The following KDELR1 variants were observed in gnomAD, a reference collection of about 807,000 sequenced individuals.
The protein encoded by KDELR1 is KDEL endoplasmic reticulum protein retention receptor 1, also known as ER lumen protein-retaining receptor 1.
A neutral mutation model predicts 25.5 loss-of-function variants in KDELR1; 16 were observed. That is an observed-to-expected ratio of 0.63 (90% CI 0.43 to 0.95). The LOEUF (loss-of-function observed/expected upper bound fraction) is 0.95. KDELR1 is among the 40% of genes least tolerant of loss of function. KDELR1 has a pLI of 0.00. For synonymous variants in KDELR1, 121 were observed against 115.0 expected (o/e 1.05, Z -0.33); for missense variants, 159 against 265.2 (o/e 0.60, Z 2.78).
chr19:48,396,517 G>A (rs531010522), upstream of KDELR1, among the ~76,000 whole-genome samples: 5 of 151,984 alleles, frequency 3.3e-5, no homozygotes, highest in African/African-American at 4.8e-5. Context: ...TTAACCCCGC[G>A]GGGGCCAGGC....
chr19:48,387,543 G>A (rs570719885), intron 3 of KDELR1, among the ~76,000 whole-genome samples: 4 of 152,118 alleles, frequency 2.6e-5, no homozygotes, highest in South Asian at 2.1e-4. Flanking sequence ...TTAGCCAGGC[G>A]TGGTGGCAAG....
chr19:48,385,726 G>A (rs1970490421), intron 3 of KDELR1, among the ~76,000 whole-genome samples: 1 of 152,196 alleles, frequency 6.6e-6, no homozygotes, highest in Admixed American at 6.5e-5. Context: ...CTTGGTTTGT[G>A]GAAGGAAGGT....
intron 3 of KDELR1, among the ~76,000 whole-genome samples, chr19:48,387,447 C>T (rs1970505614): frequency 6.6e-6 from 1 of 152,074 alleles, no homozygotes. Context: ...CTTTGGGAAG[C>T]TGAGATGGGA....
chr19:48,391,518 G>C lies in KDELR1; in HGVS notation c.-160C>G. On this transcript the variant is annotated 5_prime_UTR_variant, in exon 1 of 5. Transcript: ENST00000330720. Reference sequence around the variant, plus strand: ...AGGGGACTTTGGGAGGGGGAGCAAAGGCTGGAGCTGGCGGCGGAGCTGGAG... The same window carrying C: ...AGGGGACTTTGGGAGGGGGAGCAAACGCTGGAGCTGGCGGCGGAGCTGGAG... 1 of 609,510 alleles carries C rather than the reference G, an allele frequency of 1.6e-6. No homozygotes were observed. Among genetic ancestry groups the C allele is most frequent in the Non-Finnish European group, 2.9e-6 (1 of 343,134 alleles). 37.8% of individuals were successfully genotyped at this position (609,510 alleles called of 1,614,324 possible). A position where few individuals can be genotyped will look rare whatever the true frequency, so the allele number is the denominator to read the frequency against.
intron 1 of KDELR1, 153 bp from the exon 2 acceptor site, chr19:48,390,677 C>G: frequency 1.6e-6 from 1 of 610,046 alleles, no homozygotes; most frequent in Non-Finnish European, 2.9e-6. Flanking sequence ...AGCCTGGAGG[C>G]AGCTCTGGAG....
chr19:48,393,914 G>T (rs528036869), upstream of KDELR1, among the ~76,000 whole-genome samples: 1 of 152,060 alleles, frequency 6.6e-6, no homozygotes, highest in Admixed American at 6.5e-5. This position sits in a 1 kb window ranked among gnomAD's most constrained non-coding sequence, Gnocchi z 5.6. Flanking sequence ...TGGTGGAGGG[G>T]GGGTGTGTCT....
Position 48,389,678 on chromosome 19 carries a change from A to G in KDELR1, c.226T>C (p.Trp76Arg), listed in dbSNP as rs759398671. 7.4e-6 allele frequency: 12 copies of G among 1,614,136 alleles called. No individual in the cohort carries two copies. The South Asian group carries it at 1.3e-4, about 18-fold the overall frequency. Residue 76 changes from tryptophan to arginine, a missense_variant, in exon 3 of 5, where the codon TGG becomes CGG. Physicochemically the swap from Trp to Arg is moderately radical, Grantham distance 101. Transcript: ENST00000330720. ...GCTTTGAACTTGCTATAAATCAACC[A>G]GACCGTGGTGAAGGAGCAGGCTATG... is the stretch of plus-strand genomic sequence containing the variant. ...VYIACSFTTV[W>R]LIYSKFKATY...
Position 48,391,299 on chromosome 19 carries a change from C to T in KDELR1, c.60G>A (p.Leu20=). 1 of 1,559,018 alleles carries T rather than the reference C, an allele frequency of 6.4e-7. No individual in the cohort carries two copies. The highest frequency in any genetic ancestry group is 8.7e-7 in the Non-Finnish European group (1 of 1,151,146). ...ACGAGCGGGACTTCCAGATTTTGAG[C>T]AGTAGCAAGATGATGGCGAGGAGGT... ...LSHLLAIILL[L]LKIWKSRSCA... The change falls in exon 1 of 5, where the codon CTG becomes CTA. Residue 20 remains leucine (L), a synonymous_variant. Transcript: ENST00000330720.
At chr19:48,383,546 T>TACAC (rs1970472812) in intron 4 of KDELR1, among the ~76,000 whole-genome samples, 1 of 152,210 alleles carries the variant, frequency 6.6e-6, no homozygotes, top group Admixed American at 6.5e-5. Context: ...GGTCCCACTC[T>TACAC]GTAGCCCAGG....
chr19:48,390,953 C>T, intron 1 of KDELR1: 1 of 487,420 alleles, frequency 2.1e-6, no homozygotes, highest in Non-Finnish European at 3.7e-6. Flanking sequence ...CGGTCCACGT[C>T]ACCAACTCAC....
chr19:48,396,694 C>T, the KDELR1 span, among the ~76,000 whole-genome samples: 5 of 151,862 alleles, frequency 3.3e-5, no homozygotes, highest in African/African-American at 4.8e-5. Flanking sequence ...GACAGGGGCC[C>T]GAGATCTCTG....
At chr19:48,393,385 G>C (rs924341382), upstream of KDELR1, among the ~76,000 whole-genome samples, 1 of 152,136 alleles carries the variant, frequency 6.6e-6, no homozygotes, top group South Asian at 2.1e-4. The surrounding 1 kb of genome is among the most constrained non-coding windows in gnomAD (Gnocchi z 5.6). Context: ...AAGGCAGGGC[G>C]GGGGCAGAGG....
upstream of KDELR1, chr19:48,391,560 G>A (rs1285404371): frequency 1.6e-5 from 9 of 575,346 alleles, no homozygotes; most frequent in Non-Finnish European, 2.5e-5. Flanking sequence ...AGAGGGAGGA[G>A]AGCGAGAGGG....
At chr19:48,389,810 C>T in intron 2 of KDELR1, 99 bp from the exon 3 acceptor site, 1 of 1,313,972 alleles carries the variant, frequency 7.6e-7, no homozygotes, top group Non-Finnish European at 1.1e-6. Context: ...ACGCAGGAGT[C>T]CAGACCCCCA....
At chr19:48,386,106 GT>G (rs1414957968) in intron 3 of KDELR1, among the ~76,000 whole-genome samples, 1 of 148,736 alleles carries the variant, frequency 6.7e-6, no homozygotes, top group East Asian at 2.0e-4. Flanking sequence ...CAGAAGGTCT[GT>G]TGCTTTTTTT....
chr19:48,391,577 G>A, upstream of KDELR1: 2 of 553,022 alleles, frequency 3.6e-6, no homozygotes, highest in Non-Finnish European at 6.5e-6. Context: ...AGGGGGAGGA[G>A]TCCGGGAGGA....
chr19:48,392,961 C>G (rs1970579226), upstream of KDELR1, among the ~76,000 whole-genome samples: 1 of 152,216 alleles, frequency 6.6e-6, no homozygotes, highest in South Asian at 2.1e-4. Flanking sequence ...TATGAGGGGA[C>G]AGACGTGGCT....
rs1600954754 is a variant in KDELR1 at position 48,383,190 on chromosome 19, T to G, written c.*103A>C. ...GAGGCGGGATGGGGAGCACAAGAGG[T>G]GGGTTCTTAAAAAAGTCACCCCTGG... On this transcript the variant is annotated 3_prime_UTR_variant, in exon 5 of 5. Coordinates refer to ENST00000330720, the MANE Select transcript of KDELR1 (RefSeq NM_006801.3). 1 of 1,213,820 alleles carries G rather than the reference T, an allele frequency of 8.2e-7. No homozygotes were observed. The highest frequency in any genetic ancestry group is 1.3e-5 in the South Asian group (1 of 76,972). 75.2% of individuals were successfully genotyped at this position (1,213,820 alleles called of 1,614,324 possible). A position where few individuals can be genotyped will look rare whatever the true frequency, so the allele number is the denominator to read the frequency against.
upstream of KDELR1, among the ~76,000 whole-genome samples, chr19:48,393,916 G>T (rs925389442): frequency 1.3e-5 from 2 of 152,042 alleles, no homozygotes; most frequent in African/African-American, 4.8e-5. The surrounding 1 kb of genome is among the most constrained non-coding windows in gnomAD (Gnocchi z 5.6). Context: ...GTGGAGGGGG[G>T]GTGTGTCTGT....
Sources: allele counts gnomAD v4.1 joint callset (sites outside exome capture counted in the v4.1 genomes callset), GRCh38; gene constraint gnomAD v4.1.1; non-coding constraint Gnocchi (gnomAD v3.1); transcripts MANE v1.5; gene names NCBI Gene and HGNC (gene_info 2026-07-23, HGNC 2026-07-21).